Variants in MYO3B observed in about 807,000 individuals in gnomAD.
MYO3B encodes the protein myosin-IIIb.
A neutral mutation model predicts 174.6 loss-of-function variants in MYO3B; 156 were observed. The observed-to-expected ratio is 0.89, with a 90% CI of 0.78 to 1.02. The LOEUF is 1.02. Ranked by LOEUF, MYO3B falls within the 50% of genes least tolerant of loss-of-function variation. The pLI is 0.00. For synonymous variants in MYO3B, 563 were observed against 569.1 expected, an observed-to-expected ratio of 0.99 and a Z score of 0.15; for missense variants, 1,632 against 1,639.4, an observed-to-expected ratio of 1.00 and a Z score of 0.08.
At chr2:170,435,680 C>G (rs974206007) in intron 22 of MYO3B, among the ~76,000 whole-genome samples, 13 of 152,208 alleles carry the variant, frequency 8.5e-5, no homozygotes, top group Admixed American at 3.9e-4. Flanking sequence ...CTATTTGACA[C>G]AAACAGCTTT....
At chr2:170,419,690 G>A (rs1037072420) in intron 22 of MYO3B, among the ~76,000 whole-genome samples, 27 of 152,038 alleles carry the variant, frequency 1.8e-4, no homozygotes, top group African/African-American at 4.8e-4. Context: ...CACCTAGAGC[G>A]GCTCTGCAGC....
chr2:170,407,929 A>G, intron 22 of MYO3B, 85 bp downstream of exon 22: 1 of 1,496,014 alleles, frequency 6.7e-7, no homozygotes, highest in Non-Finnish European at 9.2e-7. Context: ...GAATACTGCC[A>G]GGGCTGCACC....
chr2:170,212,617 G>C (rs953039031), intron 3 of MYO3B, among the ~76,000 whole-genome samples: 55 of 134,728 alleles, frequency 4.1e-4, no homozygotes, highest in African/African-American at 1.5e-3. Context: ...GTGAGGAGCG[G>C]AATTTATTGG....
At chr2:170,319,977 GTTGAGA>G (rs2093812225) in intron 7 of MYO3B, among the ~76,000 whole-genome samples, 1 of 152,128 alleles carries the variant, frequency 6.6e-6, no homozygotes, top group Non-Finnish European at 1.5e-5. Context: ...ATAAACAGAG[GTTGAGA>G]GAACTTGTTG....
At chr2:170,506,259 G>T (rs1687615753) in intron 28 of MYO3B, among the ~76,000 whole-genome samples, 1 of 152,192 alleles carries the variant, frequency 6.6e-6, no homozygotes. Flanking sequence ...ACCCTACTTT[G>T]TAACAGAACC....
intron 32 of MYO3B, among the ~76,000 whole-genome samples, chr2:170,646,642 C>T (rs1334244475): frequency 6.6e-6 from 1 of 152,138 alleles, no homozygotes; most frequent in African/African-American, 2.4e-5. Context: ...GCAATCTGCC[C>T]GCCTAGGCCT....
intron 6 of MYO3B, among the ~76,000 whole-genome samples, chr2:170,233,475 T>C (rs1319673627): frequency 6.6e-6 from 1 of 152,250 alleles, no homozygotes; most frequent in African/African-American, 2.4e-5. Flanking sequence ...AATAGCCTTC[T>C]CTAGGGATCT....
chr2:170,345,585 G>A (rs2094009695), intron 8 of MYO3B, among the ~76,000 whole-genome samples: 1 of 151,978 alleles, frequency 6.6e-6, no homozygotes, highest in Non-Finnish European at 1.5e-5. Flanking sequence ...GCCTTTAAAA[G>A]AGGCCCAAAG....
chr2:170,262,233 G>A (rs549582722), intron 7 of MYO3B, among the ~76,000 whole-genome samples: 10 of 152,228 alleles, frequency 6.6e-5, no homozygotes, highest in African/African-American at 2.2e-4. Context: ...CCTTCAGAAC[G>A]TTAGTGAGAA....
At chr2:170,529,440 C>CCCTT (rs1689202160) in intron 30 of MYO3B, among the ~76,000 whole-genome samples, 1 of 151,834 alleles carries the variant, frequency 6.6e-6, no homozygotes, top group South Asian at 2.1e-4. Flanking sequence ...CTCCCTCCCT[C>CCCTT]CCTTCCTTCT....
intron 32 of MYO3B, among the ~76,000 whole-genome samples, chr2:170,618,313 CTG>C (rs1295467766): frequency 6.6e-6 from 1 of 152,130 alleles, no homozygotes; most frequent in Non-Finnish European, 1.5e-5. Flanking sequence ...TTTTAACAGT[CTG>C]TGGCGTAACA....
intron 32 of MYO3B, among the ~76,000 whole-genome samples, chr2:170,565,943 G>A (rs1282621210): frequency 1.3e-5 from 2 of 152,154 alleles, no homozygotes; most frequent in African/African-American, 4.8e-5. Context: ...GGAGGGTGTA[G>A]CTTGCTTTAA....
At chr2:170,626,256 T>C (rs1484783006) in intron 32 of MYO3B, among the ~76,000 whole-genome samples, 3 of 152,236 alleles carry the variant, frequency 2.0e-5, no homozygotes, top group Admixed American at 6.5e-5. Flanking sequence ...GGTGCATATA[T>C]ATTTAGGATA....
At chr2:170,268,896 A>C (rs1393325955) in intron 7 of MYO3B, among the ~76,000 whole-genome samples, 3 of 152,178 alleles carry the variant, frequency 2.0e-5, no homozygotes, top group Non-Finnish European at 4.4e-5. Flanking sequence ...AAAACATGAA[A>C]AAGAACTTAA....
intron 7 of MYO3B, among the ~76,000 whole-genome samples, chr2:170,298,867 A>G (rs932664124): frequency 2.6e-5 from 4 of 152,028 alleles, no homozygotes; most frequent in Non-Finnish European, 5.9e-5. Context: ...TTATAATACC[A>G]TATTTCTACT....
intron 30 of MYO3B, among the ~76,000 whole-genome samples, chr2:170,521,600 A>T (rs1688672426): frequency 1.3e-5 from 2 of 151,930 alleles, no homozygotes; most frequent in African/African-American, 4.8e-5. Flanking sequence ...CAGACCCCAG[A>T]TCCTCTGCCT....
chr2:170,183,739 T>C (rs188225993), intron 1 of MYO3B, among the ~76,000 whole-genome samples: 2 of 152,166 alleles, frequency 1.3e-5, no homozygotes, highest in African/African-American at 4.8e-5. Flanking sequence ...TTGTGAGAGA[T>C]ACTTGTCTTT....
intron 32 of MYO3B, among the ~76,000 whole-genome samples, chr2:170,637,003 C>T (rs1410389231): frequency 6.8e-6 from 1 of 145,998 alleles, no homozygotes; most frequent in Non-Finnish European, 1.5e-5. Flanking sequence ...CAATAATTTC[C>T]TTGTCAAGGC....
At chr2:170,329,009 G>A (rs903594528) in intron 7 of MYO3B, among the ~76,000 whole-genome samples, 94 of 152,034 alleles carry the variant, frequency 6.2e-4, no homozygotes, top group African/African-American at 2.0e-3. Flanking sequence ...AAATTTAGCC[G>A]GGCATGATGG....
Sources: allele counts gnomAD v4.1 joint callset (sites outside exome capture counted in the v4.1 genomes callset), GRCh38; gene constraint gnomAD v4.1.1; transcripts MANE v1.5; gene names NCBI Gene and HGNC (gene_info 2026-07-23, HGNC 2026-07-21).